The following BBOX1 variants were observed in gnomAD, a reference collection of about 807,000 sequenced individuals.
The protein encoded by BBOX1 is gamma-butyrobetaine dioxygenase.
BBOX1 carries 35 observed loss-of-function variants against 41.6 expected under a neutral mutation model. The ratio of observed to expected loss-of-function variants is 0.84; its 90% confidence interval spans 0.64 to 1.11. The LOEUF (loss-of-function observed/expected upper bound fraction) is 1.11. Among genes scored for constraint, BBOX1 ranks in the 50% most tolerant of loss-of-function variants. BBOX1 has a pLI of 0.00. For synonymous variants in BBOX1, 163 were observed against 154.7 expected, an observed-to-expected ratio of 1.05 and a Z score of -0.40; for missense variants, 458 against 460.6, an observed-to-expected ratio of 0.99 and a Z score of 0.05.
intron 4 of BBOX1, among the ~76,000 whole-genome samples, chr11:27,072,660 A>C (rs958342178): frequency 1.3e-5 from 2 of 152,198 alleles, no homozygotes; most frequent in African/African-American, 4.8e-5. Context: ...AAGCTACCTG[A>C]TTTCAAACTA....
intron 5 of BBOX1, among the ~76,000 whole-genome samples, chr11:27,104,624 G>A (rs180965197): frequency 1.3e-4 from 20 of 152,164 alleles, no homozygotes; most frequent in South Asian, 6.2e-4. Flanking sequence ...GGTTATCTTC[G>A]TTTCTCTAGT....
intron 5 of BBOX1, among the ~76,000 whole-genome samples, chr11:27,111,105 A>G (rs1859045172): frequency 6.6e-6 from 1 of 151,826 alleles, no homozygotes; most frequent in Admixed American, 6.6e-5. Context: ...TTTAGGTAAA[A>G]TTTACATAAC....
intron 5 of BBOX1, among the ~76,000 whole-genome samples, chr11:27,104,294 T>C (rs1026390093): frequency 1.3e-5 from 2 of 152,208 alleles, no homozygotes; most frequent in African/African-American, 4.8e-5. Context: ...AGATCCATCA[T>C]GTACCCAGTT....
At chr11:27,082,522 T>G (rs1359684352) in intron 4 of BBOX1, among the ~76,000 whole-genome samples, 1 of 152,150 alleles carries the variant, frequency 6.6e-6, no homozygotes, top group Non-Finnish European at 1.5e-5. Context: ...GGTGCGTGTT[T>G]TCCTTCACCA....
At chr11:27,051,269 C>T (rs915120936) in intron 2 of BBOX1, among the ~76,000 whole-genome samples, 2 of 152,068 alleles carry the variant, frequency 1.3e-5, no homozygotes, top group Non-Finnish European at 2.9e-5. Flanking sequence ...CTATGTTTAC[C>T]AGGAATATTG....
At chr11:27,111,984 C>A (rs1226303703) in intron 5 of BBOX1, among the ~76,000 whole-genome samples, 1 of 151,894 alleles carries the variant, frequency 6.6e-6, no homozygotes. Flanking sequence ...GACAGCCAGG[C>A]GTTATGTGTC....
At chr11:27,086,878 G>A (rs1455639533) in intron 4 of BBOX1, among the ~76,000 whole-genome samples, 1 of 152,072 alleles carries the variant, frequency 6.6e-6, no homozygotes, top group Non-Finnish European at 1.5e-5. Flanking sequence ...GTTGATTTCA[G>A]CCCTCATGGA....
chr11:27,094,021 C>T (rs762836128), intron 5 of BBOX1, among the ~76,000 whole-genome samples: 2 of 151,954 alleles, frequency 1.3e-5, no homozygotes, highest in South Asian at 2.1e-4. Context: ...TAAACTTTTA[C>T]CTCCCAAGAG....
intron 5 of BBOX1, among the ~76,000 whole-genome samples, chr11:27,103,197 A>T (rs1280432350): frequency 6.6e-6 from 1 of 152,084 alleles, no homozygotes; most frequent in Admixed American, 6.6e-5. Flanking sequence ...AAAAAAAGTA[A>T]TTTGATGTTT....
Position 27,045,261 on chromosome 11 carries a change from T to A in BBOX1, c.-39+3783T>A, listed in dbSNP as rs1851456795. 7.2e-5 allele frequency among the ~76,000 whole-genome samples: 11 copies of A among 152,298 alleles called. 1 individual carries two copies. In the South Asian group the frequency reaches 2.3e-3, roughly 32 times the overall value. The stretch of plus-strand genomic sequence containing the variant: ...TATTGGTGTATAGGAATGCTTGTGA[T>A]TTTTGCACATTGATTTTGTATCCCG... On this transcript the variant is annotated intron_variant, in intron 2 of 8. Coordinates refer to ENST00000263182, the MANE Select transcript of BBOX1 (RefSeq NM_003986.3).
intron 6 of BBOX1, among the ~76,000 whole-genome samples, chr11:27,116,089 A>T (rs1564988681): frequency 6.6e-6 from 1 of 152,076 alleles, no homozygotes; most frequent in Non-Finnish European, 1.5e-5. Context: ...CATCAATGAC[A>T]GACTGGATAA....
chr11:27,088,278 A>C (rs1590202108), intron 4 of BBOX1, among the ~76,000 whole-genome samples: 1 of 152,058 alleles, frequency 6.6e-6, no homozygotes, highest in Non-Finnish European at 1.5e-5. Flanking sequence ...ATCACTGTGT[A>C]TTATATTTCC....
chr11:27,094,379 A>C (rs1181488277), intron 5 of BBOX1, among the ~76,000 whole-genome samples: 1 of 152,000 alleles, frequency 6.6e-6, no homozygotes, highest in East Asian at 1.9e-4. Flanking sequence ...AAAGGTTACA[A>C]CTGGAAGCAC....
chr11:27,078,938 G>T (rs1456386708), intron 4 of BBOX1, among the ~76,000 whole-genome samples: 3 of 152,284 alleles, frequency 2.0e-5, no homozygotes, highest in East Asian at 3.9e-4. Flanking sequence ...TAAGTACTTA[G>T]CACAGTGTCT....
At chr11:27,071,251 A>C (rs927798845) in intron 4 of BBOX1, among the ~76,000 whole-genome samples, 1 of 151,890 alleles carries the variant, frequency 6.6e-6, no homozygotes. Flanking sequence ...GCATGGTGGC[A>C]GGCACCTGTA....
intron 5 of BBOX1, among the ~76,000 whole-genome samples, chr11:27,104,602 A>C (rs1161010850): frequency 6.6e-6 from 1 of 152,160 alleles, no homozygotes; most frequent in African/African-American, 2.4e-5. Flanking sequence ...GAGCTATTCT[A>C]GATATCGGAA....
At chr11:27,061,279 G>A (rs1857125999) in intron 4 of BBOX1, among the ~76,000 whole-genome samples, 1 of 152,132 alleles carries the variant, frequency 6.6e-6, no homozygotes, top group Non-Finnish European at 1.5e-5. Context: ...AAATGGAAAT[G>A]ATACTACACT....
intron 4 of BBOX1, among the ~76,000 whole-genome samples, chr11:27,059,789 C>T (rs1292153219): frequency 6.6e-6 from 1 of 152,178 alleles, no homozygotes; most frequent in Non-Finnish European, 1.5e-5. Flanking sequence ...TTTGGACTTG[C>T]ATGGGCCCTG....
chr11:27,092,369 T>C (rs1858278065), intron 4 of BBOX1, among the ~76,000 whole-genome samples: 1 of 151,930 alleles, frequency 6.6e-6, no homozygotes, highest in Non-Finnish European at 1.5e-5. Context: ...GAGTCAGGCT[T>C]TTCCTGAATT....
Sources: gnomAD v4.1 joint callset for allele counts (sites outside exome capture counted in the v4.1 genomes callset) on GRCh38, gnomAD v4.1.1 for gene constraint, MANE v1.5 for transcripts, NCBI Gene and HGNC (gene_info 2026-07-23, HGNC 2026-07-21) for gene names.